The following MINDY2 variants were observed in gnomAD, a reference collection of about 807,000 sequenced individuals.
MINDY2 encodes MINDY lysine 48 deubiquitinase 2.
In MINDY2, 52 loss-of-function variants were observed where a neutral mutation model predicts 68.2. The ratio of observed to expected loss-of-function variants is 0.76; its 90% CI spans 0.61 to 0.96. The LOEUF (loss-of-function observed/expected upper bound fraction) is 0.96, where lower values mean the gene tolerates loss of function less well. Among genes scored for constraint, MINDY2 ranks in the 40% least tolerant of loss-of-function variants. MINDY2 has a pLI of 0.00. For synonymous variants in MINDY2, 372 were observed against 303.0 expected (o/e 1.23, Z -2.36); for missense variants, 881 against 773.4 (o/e 1.14, Z -1.65).
chr15:58,819,413 A>G (rs541741774), intron 4 of MINDY2, among the ~76,000 whole-genome samples: 7 of 152,336 alleles, frequency 4.6e-5, no homozygotes, highest in Middle Eastern at 6.8e-3. Flanking sequence ...ACGCCACTAC[A>G]TTCCAGCAAG....
rs1319388024 is a variant in MINDY2 at position 58,855,848 on chromosome 15, A to C, written c.*1238A>C. Reference sequence around the variant, plus strand: ...GGCAGGAGAATTGCTTGAACCCGGCAGGCAGAGGTTGCAGTGAGCCGAGAT... The same window carrying C: ...GGCAGGAGAATTGCTTGAACCCGGCCGGCAGAGGTTGCAGTGAGCCGAGAT... On this transcript the variant is annotated 3_prime_UTR_variant, in exon 9 of 9. Transcript: ENST00000559228. The C allele has an allele frequency of 2.0e-5, 3 of 152,396 alleles. No individual in the cohort carries two copies. Among genetic ancestry groups the C allele is most frequent in the African/African-American group, 7.2e-5 (3 of 41,440 alleles). 9.4% of individuals were successfully genotyped at this position (152,396 alleles called of 1,614,324 possible). A position where few individuals can be genotyped will look rare whatever the true frequency, so the allele number is the denominator to read the frequency against.
chr15:58,852,616 C>T (rs1280128392), intron 8 of MINDY2, among the ~76,000 whole-genome samples: 1 of 152,096 alleles, frequency 6.6e-6, no homozygotes, highest in African/African-American at 2.4e-5. Flanking sequence ...CTGCTCCTGT[C>T]TCTCCTTCTA....
chr15:58,787,772 C>G, intron 1 of MINDY2, 134 bp from the exon 2 acceptor site: 7 of 347,502 alleles, frequency 2.0e-5, no homozygotes, highest in Non-Finnish European at 1.1e-5. Context: ...TATAAAGATT[C>G]TAATATATGT....
At chr15:58,804,805 CAAAAA>C (rs562018572) in intron 3 of MINDY2, among the ~76,000 whole-genome samples, 2 of 127,822 alleles carry the variant, frequency 1.6e-5, no homozygotes, top group Non-Finnish European at 3.4e-5. Flanking sequence ...GACCCTGTTA[CAAAAA>C]AAAAAAAGAA....
At chr15:58,836,167 C>T (rs1294843116) in intron 6 of MINDY2, among the ~76,000 whole-genome samples, 1 of 152,086 alleles carries the variant, frequency 6.6e-6, no homozygotes, top group Non-Finnish European at 1.5e-5. Flanking sequence ...GCCTCGGCCT[C>T]CCAAAGTGCT....
At chr15:58,836,295 A>T (rs936823981) in intron 6 of MINDY2, among the ~76,000 whole-genome samples, 1 of 150,740 alleles carries the variant, frequency 6.6e-6, no homozygotes, top group African/African-American at 2.4e-5. Flanking sequence ...GATGGAGTGC[A>T]GTGGCTACTA....
At chr15:58,830,527 A>T (rs1173934906) in intron 5 of MINDY2, among the ~76,000 whole-genome samples, 6 of 152,164 alleles carry the variant, frequency 3.9e-5, no homozygotes, top group Non-Finnish European at 8.8e-5. Context: ...CCAAAATCCA[A>T]AAGAATCCAC....
intron 1 of MINDY2, among the ~76,000 whole-genome samples, chr15:58,784,471 A>T (rs755077307): frequency 6.6e-6 from 1 of 152,138 alleles, no homozygotes; most frequent in African/African-American, 2.4e-5. Flanking sequence ...ACTTTGTTCA[A>T]ATTTTACGGA....
intron 5 of MINDY2, among the ~76,000 whole-genome samples, chr15:58,825,284 C>G (rs1486351442): frequency 1.3e-5 from 2 of 152,086 alleles, no homozygotes; most frequent in Non-Finnish European, 2.9e-5. Context: ...ATAACATTTG[C>G]TTTCCTTGAT....
At chr15:58,840,726 G>A (rs917563090) in intron 6 of MINDY2, among the ~76,000 whole-genome samples, 4 of 148,552 alleles carry the variant, frequency 2.7e-5, no homozygotes, top group Admixed American at 1.3e-4. Context: ...GTGTGATCTC[G>A]GCTCAGTGCA....
chr15:58,842,616 A>G (rs2032335638), intron 6 of MINDY2, among the ~76,000 whole-genome samples: 1 of 152,218 alleles, frequency 6.6e-6, no homozygotes, highest in Non-Finnish European at 1.5e-5. Context: ...ACAAGCAGAG[A>G]GATTCATCTT....
chr15:58,837,494 G>T (rs2032048300), intron 6 of MINDY2, among the ~76,000 whole-genome samples: 1 of 149,110 alleles, frequency 6.7e-6, no homozygotes, highest in Non-Finnish European at 1.5e-5. Flanking sequence ...GATCACTTGA[G>T]CCCTGAGCCC....
intron 1 of MINDY2, among the ~76,000 whole-genome samples, chr15:58,781,833 C>T (rs377408054): frequency 5.3e-5 from 8 of 151,780 alleles, no homozygotes; most frequent in East Asian, 1.9e-4. Context: ...ACCCAGGAGA[C>T]GGAGTTTGCA....
At chr15:58,851,487 G>T (rs971471443) in intron 7 of MINDY2, among the ~76,000 whole-genome samples, 35 of 150,738 alleles carry the variant, frequency 2.3e-4, no homozygotes, top group African/African-American at 8.3e-4. Flanking sequence ...CACCCATGCT[G>T]GGGTGCAGTG....
intron 4 of MINDY2, among the ~76,000 whole-genome samples, chr15:58,811,713 C>T (rs1205792815): frequency 3.9e-5 from 6 of 152,170 alleles, no homozygotes; most frequent in Non-Finnish European, 5.9e-5. Context: ...TAGTAGCTCC[C>T]TTTGGCCAAA....
intron 6 of MINDY2, among the ~76,000 whole-genome samples, chr15:58,835,174 C>G (rs1205532441): frequency 3.9e-5 from 6 of 152,108 alleles, no homozygotes; most frequent in African/African-American, 1.4e-4. Context: ...CGTAGTTTGA[C>G]AAGGGGCAGA....
rs780697864 is a variant in MINDY2 at position 58,831,849 on chromosome 15, C to T, written c.1301C>T (p.Thr434Met). ...CATGGATTATGTGAACTAACTTCAACGGTTCAGGAAGGAGAACTTTGTGTG... is the reference window on the plus strand; with the variant it reads ...CATGGATTATGTGAACTAACTTCAATGGTTCAGGAAGGAGAACTTTGTGTG... The part of the protein sequence containing the change: ...TYHGLCELTS[T>M]VQEGELCVFF... Residue 434 changes from threonine to methionine, a missense_variant, in exon 6 of 9, where the codon ACG becomes ATG. Coordinates refer to ENST00000559228, the MANE Select transcript of MINDY2 (RefSeq NM_001040450.3). The T allele has an allele frequency of 1.6e-5, 26 of 1,613,490 alleles. No homozygotes were observed. Among genetic ancestry groups the T allele is most frequent in the Non-Finnish European group, 1.8e-5 (21 of 1,179,746 alleles).
At chr15:58,822,143 A>G (rs1186656480) in intron 5 of MINDY2, among the ~76,000 whole-genome samples, 4 of 151,870 alleles carry the variant, frequency 2.6e-5, no homozygotes, top group Non-Finnish European at 5.9e-5. Flanking sequence ...AATCCCAGCT[A>G]CTCAGGAGGC....
At chr15:58,823,983 C>T (rs918021989) in intron 5 of MINDY2, among the ~76,000 whole-genome samples, 5 of 152,068 alleles carry the variant, frequency 3.3e-5, no homozygotes, top group South Asian at 2.1e-4. Context: ...CAGTAATGTC[C>T]AATATACCAG....
Sources: allele counts gnomAD v4.1 joint callset (sites outside exome capture counted in the v4.1 genomes callset), GRCh38; gene constraint gnomAD v4.1.1; transcripts MANE v1.5; gene names NCBI Gene and HGNC (gene_info 2026-07-23, HGNC 2026-07-21).